Variants in A1CF observed in about 807,000 individuals in gnomAD.
A1CF encodes the protein APOBEC-1 stimulating protein.
A neutral mutation model predicts 68.9 loss-of-function variants in A1CF; 48 were observed. That is an observed-to-expected ratio of 0.70 (90% CI 0.55 to 0.89). A1CF has a LOEUF of 0.89. Ranked by LOEUF, A1CF falls within the 40% of genes least tolerant of loss-of-function variation. The probability of loss-of-function intolerance (pLI) is 0.00; values close to 1 mark genes in which losing one functional copy is unlikely to be tolerated. For missense variants in A1CF, 653 were observed against 718.9 expected, an observed-to-expected ratio of 0.91 and a Z score of 1.05; for synonymous variants, 272 against 260.4, an observed-to-expected ratio of 1.04 and a Z score of -0.43.
Position 50,859,949 on chromosome 10 carries a change from A to G in A1CF, c.-9T>C. 1 of 1,612,500 alleles carries G rather than the reference A, an allele frequency of 6.2e-7. No individual in the cohort carries two copies. Among genetic ancestry groups the G allele is most frequent in the Non-Finnish European group, 8.5e-7 (1 of 1,178,838 alleles). On this transcript the variant is annotated 5_prime_UTR_variant, in exon 3 of 13. Coordinates refer to ENST00000373997, the MANE Select transcript of A1CF (RefSeq NM_014576.4). ...TTGTGATTTGATTCCATTGAGAGTG[A>G]TTATCAGCAAAAAATCAGGTTAATT...
At chr10:50,881,411 T>G (rs1841769086) in intron 1 of A1CF, among the ~76,000 whole-genome samples, 1 of 152,196 alleles carries the variant, frequency 6.6e-6, no homozygotes, top group South Asian at 2.1e-4. Flanking sequence ...GTTAATCAGA[T>G]TTGTACAATT....
At chr10:50,869,468 T>C (rs143646099) in intron 1 of A1CF, among the ~76,000 whole-genome samples, 9 of 152,298 alleles carry the variant, frequency 5.9e-5, no homozygotes, top group African/African-American at 1.9e-4. Context: ...CTCTTTTATA[T>C]TGCCTTACTA....
At chr10:50,852,183 T>C (rs1486310238) in intron 3 of A1CF, among the ~76,000 whole-genome samples, 2 of 152,248 alleles carry the variant, frequency 1.3e-5, no homozygotes. Context: ...GGGAAAGCAC[T>C]ACCTTGTGTC....
At chr10:50,842,815 A>G (rs1839841211) in intron 4 of A1CF, among the ~76,000 whole-genome samples, 1 of 152,164 alleles carries the variant, frequency 6.6e-6, no homozygotes, top group Admixed American at 6.5e-5. Context: ...TCAGGGGATG[A>G]TCTGGGAGGC....
chr10:50,851,744 A>T (rs766779236), intron 3 of A1CF, among the ~76,000 whole-genome samples: 3 of 152,186 alleles, frequency 2.0e-5, no homozygotes, highest in Non-Finnish European at 4.4e-5. Context: ...CTGAAAGTGG[A>T]ATAATTCTCT....
At chr10:50,812,753 A>G (rs959429554) in intron 10 of A1CF, among the ~76,000 whole-genome samples, 1 of 152,112 alleles carries the variant, frequency 6.6e-6, no homozygotes, top group Non-Finnish European at 1.5e-5. Context: ...ATTTTTCATG[A>G]TAAGGATTTT....
In A1CF at chr10:50,811,153, T is replaced by A; in HGVS notation, c.1347A>T (p.Lys449Asn). The stretch of plus-strand genomic sequence containing the variant: ...GGTACACTGGCTGTCCCCAGTTATT[T>A]TTCTGACAAATCTCTTCTAATATCT... ...APQILEEICQ[K>N]NNWGQPVYQL... is the part of the protein sequence containing the mutation. The change falls in exon 11 of 13, where the codon AAA becomes AAT. Residue 449 changes from lysine to asparagine, a missense_variant. Transcript: ENST00000373997. The A allele has an allele frequency of 1.2e-6, 2 of 1,612,704 alleles. No individual in the cohort carries two copies. The highest frequency in any genetic ancestry group is 4.5e-5 in the East Asian group (2 of 44,756).
chr10:50,806,749 C>T lies in A1CF; in HGVS notation c.1741G>A (p.Asp581Asn). The change falls in exon 13 of 13, where the codon GAT becomes AAT. Residue 581 changes from aspartate to asparagine, a missense_variant. Asp to Asn is a conservative substitution (Grantham distance 23, BLOSUM62 1). Coordinates refer to ENST00000373997, the MANE Select transcript of A1CF (RefSeq NM_014576.4). ...CATCTTCAGAAGGTGCCATATCCAT[C>T]CCCTCGGGCAGTCACTGCAAAAGTT... Reference protein sequence around the residue: ...YPTFAVTARGDGYGTF With the variant: ...YPTFAVTARGNGYGTF 3.1e-6 allele frequency: 5 copies of T among 1,604,908 alleles called. No homozygotes were observed. The South Asian group carries it at 4.5e-5, about 14-fold the overall frequency.
chr10:50,877,516 A>G (rs1214224401), intron 1 of A1CF, among the ~76,000 whole-genome samples: 1 of 152,206 alleles, frequency 6.6e-6, no homozygotes, highest in Non-Finnish European at 1.5e-5. Context: ...AAATCCATCT[A>G]AAGCTCTGTG....
At chr10:50,818,445 TA>T (rs1838476013) in intron 8 of A1CF, among the ~76,000 whole-genome samples, 1 of 151,884 alleles carries the variant, frequency 6.6e-6, no homozygotes, top group Non-Finnish European at 1.5e-5. Flanking sequence ...ATAATATGTG[TA>T]AATAATTACT....
At chr10:50,851,842 GT>G (rs750384579) in intron 3 of A1CF, among the ~76,000 whole-genome samples, 6 of 152,294 alleles carry the variant, frequency 3.9e-5, no homozygotes, top group Non-Finnish European at 8.8e-5. Flanking sequence ...CTTTAACAAT[GT>G]TACAAAGGAT....
At chr10:50,866,223 A>G (rs905705953) in intron 1 of A1CF, among the ~76,000 whole-genome samples, 3 of 152,226 alleles carry the variant, frequency 2.0e-5, no homozygotes, top group African/African-American at 4.8e-5. Flanking sequence ...GAGAGAGACA[A>G]GAAAAGTAAA....
intron 5 of A1CF, among the ~76,000 whole-genome samples, chr10:50,841,279 C>T (rs538714030): frequency 8.5e-5 from 13 of 152,244 alleles, no homozygotes; most frequent in African/African-American, 1.9e-4. Context: ...TTACCCTCTC[C>T]GGCCACATGG....
chr10:50,828,132 T>C lies in A1CF; in HGVS notation c.768A>G (p.Pro256=). The change falls in exon 7 of 13, where the codon CCA becomes CCG. Residue 256 remains proline, a splice_region_variant and synonymous_variant. Coordinates refer to ENST00000373997, the MANE Select transcript of A1CF (RefSeq NM_014576.4). ...MIEKEFNNIK[P]GAVERVKKIR... Reference sequence around the variant, plus strand: ...ACTAATCTTGTATATATGTCCTACCTGGTTTGATATTGTTGAATTCCTTTT... The same window carrying C: ...ACTAATCTTGTATATATGTCCTACCCGGTTTGATATTGTTGAATTCCTTTT... The C allele has an allele frequency of 3.2e-6, 5 of 1,578,464 alleles. No homozygotes were observed. Among genetic ancestry groups the C allele is most frequent in the Middle Eastern group, 1.7e-4 (1 of 5,924 alleles).
chr10:50,862,925 T>A (rs569428033), intron 2 of A1CF: 2 of 152,332 alleles, frequency 1.3e-5, no homozygotes, highest in East Asian at 3.9e-4. Context: ...TCTGGCCAAG[T>A]TGTAGATTTG....
At chr10:50,877,114 A>C (rs1841550099) in intron 1 of A1CF, among the ~76,000 whole-genome samples, 1 of 152,228 alleles carries the variant, frequency 6.6e-6, no homozygotes, top group Non-Finnish European at 1.5e-5. Context: ...ATAGAATGAC[A>C]TGGCCTAATG....
chr10:50,800,480 T>A lies in A1CF; in HGVS notation c.*6249A>T, dbSNP rs1410847634. ...ATTCTAAGTGGCAAAACCTATCAGG[T>A]GTTGCAATTATATTCAATTTTGAAA... is the stretch of plus-strand genomic sequence containing the variant. On this transcript the variant is annotated 3_prime_UTR_variant, in exon 13 of 13. Coordinates refer to ENST00000373997, the MANE Select transcript of A1CF (RefSeq NM_014576.4). 1 of 152,136 alleles carries A rather than the reference T, an allele frequency of 6.6e-6. No individual in the cohort carries two copies. Among genetic ancestry groups the A allele is most frequent in the Non-Finnish European group, 1.5e-5 (1 of 68,006 alleles). 9.4% of individuals were successfully genotyped at this position (152,136 alleles called of 1,614,324 possible).
At chr10:50,866,470 T>C (rs1840995038) in intron 1 of A1CF, among the ~76,000 whole-genome samples, 2 of 152,188 alleles carry the variant, frequency 1.3e-5, no homozygotes, top group Non-Finnish European at 2.9e-5. Flanking sequence ...AGTTCACTAT[T>C]GGGCAAAGTT....
In A1CF at chr10:50,801,338, A is replaced by G. The variant is rs1837592552; in HGVS notation, c.*5391T>C. The G allele has an allele frequency of 6.6e-6, 1 of 152,292 alleles. No homozygotes were observed. Among genetic ancestry groups the G allele is most frequent in the Non-Finnish European group, 1.5e-5 (1 of 68,076 alleles). 9.4% of individuals were successfully genotyped at this position (152,292 alleles called of 1,614,324 possible). A position where few individuals can be genotyped will look rare whatever the true frequency, so the allele number is the denominator to read the frequency against. On this transcript the variant is annotated 3_prime_UTR_variant, in exon 13 of 13. Coordinates refer to ENST00000373997, the MANE Select transcript of A1CF (RefSeq NM_014576.4). ...TATCTGCTTTGGAGAAGACAAAGCCAATTCTACAAAATTAAAAACAACAAG... is the reference window on the plus strand; with the variant it reads ...TATCTGCTTTGGAGAAGACAAAGCCGATTCTACAAAATTAAAAACAACAAG...
Sources: allele counts gnomAD v4.1 joint callset (sites outside exome capture counted in the v4.1 genomes callset), GRCh38; gene constraint gnomAD v4.1.1; transcripts MANE v1.5; gene names NCBI Gene and HGNC (gene_info 2026-07-23, HGNC 2026-07-21).